ZFHX3: variants seen among roughly 807,000 people sequenced by gnomAD.
ZFHX3 encodes the protein zinc finger homeobox protein 3.
In ZFHX3, 42 loss-of-function variants were observed where a neutral mutation model predicts 279.1. That is an observed-to-expected ratio of 0.15 (90% CI 0.12 to 0.19). The LOEUF (loss-of-function observed/expected upper bound fraction) is 0.19. Among genes scored for constraint, ZFHX3 ranks in the 10% least tolerant of loss-of-function variants. ZFHX3 has a pLI of 1.00. For synonymous variants in ZFHX3, 2,293 were observed against 1,957.8 expected, an observed-to-expected ratio of 1.17 and a Z score of -4.52; for missense variants, 4,981 against 4,754.0, an observed-to-expected ratio of 1.05 and a Z score of -1.40.
At chr16:73,292,989 A>C (rs911949722) in intron 4 of ZFHX3, among the ~76,000 whole-genome samples, 1 of 152,232 alleles carries the variant, frequency 6.6e-6, no homozygotes, top group Admixed American at 6.5e-5. Context: ...GGCATCTACC[A>C]TGGAGGCAAG....
chr16:73,188,208 T>C (rs988413119), intron 5 of ZFHX3, among the ~76,000 whole-genome samples: 10 of 151,910 alleles, frequency 6.6e-5, no homozygotes, highest in Admixed American at 2.0e-4. Flanking sequence ...TTATTTTCCT[T>C]TTAAGAGACA....
chr16:73,531,505 A>G (rs968428053), intron 2 of ZFHX3, among the ~76,000 whole-genome samples: 1 of 152,078 alleles, frequency 6.6e-6, no homozygotes, highest in Non-Finnish European at 1.5e-5. Context: ...GCCTGAGCTC[A>G]GGAGTTCAAG....
chr16:73,122,387 A>G (rs1966510010), intron 7 of ZFHX3, among the ~76,000 whole-genome samples: 1 of 146,928 alleles, frequency 6.8e-6, no homozygotes, highest in African/African-American at 2.6e-5. Context: ...TTTTTTTTTT[A>G]GTAGAGACAG....
chr16:73,878,770 T>A (rs115620609), intron 1 of ZFHX3, among the ~76,000 whole-genome samples: 1 of 151,418 alleles, frequency 6.6e-6, no homozygotes, highest in Non-Finnish European at 1.5e-5. Flanking sequence ...GAAAAAAAAA[T>A]TAAGTCTTAT....
chr16:73,377,266 C>T (rs571216714), intron 3 of ZFHX3, among the ~76,000 whole-genome samples: 6 of 152,246 alleles, frequency 3.9e-5, no homozygotes, highest in Non-Finnish European at 5.9e-5. Flanking sequence ...GACACCATGC[C>T]TGGCCCACGG....
chr16:73,190,912 AT>A (rs5817836), intron 5 of ZFHX3, among the ~76,000 whole-genome samples: 29,850 of 149,572 alleles, frequency 0.2, 3,429 homozygotes, highest in Middle Eastern at 0.34. Context: ...GAGGGACTGG[AT>A]TTTTTTTTTT....
chr16:72,865,288 G>T, intron 4 of ZFHX3, among the ~76,000 whole-genome samples: 1 of 152,324 alleles, frequency 6.6e-6, no homozygotes, highest in Non-Finnish European at 1.5e-5. Context: ...GAGACCAATG[G>T]GAAAAGGGCT....
intron 4 of ZFHX3, among the ~76,000 whole-genome samples, chr16:72,875,407 A>C (rs2038283485): frequency 6.6e-6 from 1 of 152,248 alleles, no homozygotes; most frequent in South Asian, 2.1e-4. Flanking sequence ...CCTCTGTGCC[A>C]GGAGGCACAG....
intron 3 of ZFHX3, among the ~76,000 whole-genome samples, chr16:73,396,106 G>A (rs1448196963): frequency 6.6e-6 from 1 of 152,200 alleles, no homozygotes; most frequent in African/African-American, 2.4e-5. Flanking sequence ...AGTGGCTGAA[G>A]GACCTAAATG....
At chr16:73,158,049 T>C (rs1967137109) in intron 5 of ZFHX3, among the ~76,000 whole-genome samples, 1 of 152,154 alleles carries the variant, frequency 6.6e-6, no homozygotes, top group African/African-American at 2.4e-5. Context: ...GTCACATTTT[T>C]GGAGGAAATC....
At position 73,425,908 on chromosome 16, in the gene ZFHX3, G is replaced by A. The variant is rs111958938; in HGVS notation, c.-1291+30095C>T. Among the ~76,000 whole-genome samples, 36 of 150,348 alleles carry A rather than the reference G, an allele frequency of 2.4e-4. 1 individual carries two copies. The highest frequency in any genetic ancestry group is 4.7e-4 in the Admixed American group (7 of 15,040). ...TAAGTGTTCAATAAATGAGAAACCC[G>A]TGAAAGAAAAATAAAGCCTACTTCC... On this transcript the variant is annotated intron_variant, in intron 3 of 17. Coordinates refer to the ZFHX3 transcript ENST00000641206.
chr16:73,747,934 C>T (rs148987122), intron 1 of ZFHX3, among the ~76,000 whole-genome samples: 46 of 152,308 alleles, frequency 3.0e-4, no homozygotes, highest in African/African-American at 8.4e-4. Context: ...TCTATACCCT[C>T]GCACATAAAC....
At chr16:73,296,074 G>A (rs1413566630) in intron 4 of ZFHX3, among the ~76,000 whole-genome samples, 3 of 45,414 alleles carry the variant, frequency 6.6e-5, no homozygotes, top group Non-Finnish European at 1.7e-4. Context: ...AATCCCGTGT[G>A]TGTGTGTGTG....
At chr16:73,024,094 C>T (rs1021545334) in intron 1 of ZFHX3, among the ~76,000 whole-genome samples, 8 of 152,200 alleles carry the variant, frequency 5.3e-5, no homozygotes, top group African/African-American at 1.9e-4. Flanking sequence ...CCACTTGCTC[C>T]ATAGTCTGCA....
At position 73,881,487 on chromosome 16, in the gene ZFHX3, C is replaced by CCG. The variant is rs1555506575; in HGVS notation, c.-1608+10163_-1608+10164insCG. On this transcript the variant is annotated intron_variant, in intron 1 of 17. Transcript: ENST00000641206. ...CTCTCTCTCTCTCTCTCTGCCCCCC[C>CCG]CCCCCACTCTGCCCATGGTTACTGC... Among the ~76,000 whole-genome samples, 16 of 83,742 alleles carry CCG rather than the reference C, an allele frequency of 1.9e-4. 4 individuals are homozygous for CCG. Among genetic ancestry groups the CCG allele is most frequent in the Middle Eastern group, 4.1e-3 (1 of 244 alleles). The allele number at this position is 83,742 out of a possible 152,430, so 54.9% of individuals were successfully genotyped here.
At chr16:73,333,802 GACCAAAAAA>G (rs1283424493) in intron 3 of ZFHX3, among the ~76,000 whole-genome samples, 4 of 42,194 alleles carry the variant, frequency 9.5e-5, no homozygotes, top group African/African-American at 4.0e-4. Context: ...CACCCCAAGA[GACCAAAAAA>G]AAAAAAAAAA....
chr16:73,500,434 C>A (rs2019216500), intron 2 of ZFHX3, among the ~76,000 whole-genome samples: 3 of 151,960 alleles, frequency 2.0e-5, no homozygotes, highest in African/African-American at 7.3e-5. Context: ...CTCAAGCAAT[C>A]CTTCCACCTC....
chr16:73,455,420 A>T (rs193204146), intron 3 of ZFHX3, among the ~76,000 whole-genome samples: 18 of 152,278 alleles, frequency 1.2e-4, no homozygotes, highest in African/African-American at 4.1e-4. Flanking sequence ...AACATACATG[A>T]TGGTTCTACA....
At chr16:72,883,803 T>C (rs909669979) in intron 4 of ZFHX3, among the ~76,000 whole-genome samples, 3 of 152,222 alleles carry the variant, frequency 2.0e-5, no homozygotes, top group South Asian at 4.1e-4. Context: ...CCCATTTGTT[T>C]TGATGCACTT....
Sources: allele counts gnomAD v4.1 joint callset (sites outside exome capture counted in the v4.1 genomes callset), GRCh38; gene constraint gnomAD v4.1.1; transcripts MANE v1.5; gene names NCBI Gene and HGNC (gene_info 2026-07-23, HGNC 2026-07-21).